CDC42BPA: variants seen among roughly 807,000 people sequenced by gnomAD.
CDC42BPA encodes serine/threonine-protein kinase MRCK alpha.
CDC42BPA carries 80 observed loss-of-function variants against 223.5 expected under a neutral mutation model. The observed-to-expected ratio is 0.36, with a 90% CI of 0.30 to 0.43. The LOEUF is 0.43. CDC42BPA is among the 20% of genes least tolerant of loss of function. CDC42BPA has a pLI of 1.00. For synonymous variants in CDC42BPA, 694 were observed against 718.6 expected, an observed-to-expected ratio of 0.97 and a Z score of 0.55; for missense variants, 1,743 against 2,099.9, an observed-to-expected ratio of 0.83 and a Z score of 3.32.
At chr1:227,139,891 T>C in intron 9 of CDC42BPA, 149 bp from the exon 10 acceptor site, 1 of 412,032 alleles carries the variant, frequency 2.4e-6, no homozygotes, top group Non-Finnish European at 4.2e-6. Context: ...GATCTGAATA[T>C]CTTGCAGTTA....
intron 1 of CDC42BPA, among the ~76,000 whole-genome samples, chr1:227,296,437 G>A (rs565042140): frequency 2.0e-4 from 31 of 152,136 alleles, no homozygotes; most frequent in Non-Finnish European, 3.5e-4. Context: ...CGGGCATAGT[G>A]GCTCACACTT....
chr1:227,131,692 G>T (rs1657140318), intron 10 of CDC42BPA, among the ~76,000 whole-genome samples: 1 of 152,194 alleles, frequency 6.6e-6, no homozygotes, highest in South Asian at 2.1e-4. Context: ...ACATCTGAAA[G>T]TTGAGGCTTA....
chr1:227,221,834 C>G (rs1376236230), intron 2 of CDC42BPA, among the ~76,000 whole-genome samples: 1 of 151,780 alleles, frequency 6.6e-6, no homozygotes, highest in East Asian at 1.9e-4. Flanking sequence ...GTCACAGAAA[C>G]TAGAACTCCC....
chr1:227,035,130 T>G (rs916096379), intron 25 of CDC42BPA, among the ~76,000 whole-genome samples: 1 of 152,174 alleles, frequency 6.6e-6, no homozygotes, highest in Non-Finnish European at 1.5e-5. Flanking sequence ...TCAGCTTACA[T>G]TGTAAATACT....
intron 21 of CDC42BPA, among the ~76,000 whole-genome samples, chr1:227,055,212 T>C (rs1674311216): frequency 6.6e-6 from 1 of 152,078 alleles, no homozygotes; most frequent in Non-Finnish European, 1.5e-5. Context: ...ATGAAACTAA[T>C]GCTAATAACA....
intron 21 of CDC42BPA, among the ~76,000 whole-genome samples, chr1:227,060,024 T>TTTG (rs1675483348): frequency 1.2e-5 from 1 of 81,734 alleles, no homozygotes; most frequent in African/African-American, 4.2e-5. Context: ...CAAAAAGTTT[T>TTTG]TTTTTGTTTT....
intron 34 of CDC42BPA, among the ~76,000 whole-genome samples, chr1:227,006,408 GCTGA>G (rs1553293737): frequency 6.6e-6 from 1 of 152,170 alleles, no homozygotes. Flanking sequence ...GTGCTGCACA[GCTGA>G]CTGACAGCAG....
At chr1:227,107,524 T>A (rs575442251) in intron 14 of CDC42BPA, among the ~76,000 whole-genome samples, 133 of 152,280 alleles carry the variant, frequency 8.7e-4, no homozygotes, top group Non-Finnish European at 1.6e-3. Flanking sequence ...AAGTCTCAGG[T>A]GATCCTCCTG....
At chr1:227,269,520 A>G (rs1685619984) in intron 1 of CDC42BPA, among the ~76,000 whole-genome samples, 1 of 152,208 alleles carries the variant, frequency 6.6e-6, no homozygotes, top group Admixed American at 6.5e-5. Context: ...AAGAAGATTT[A>G]TCTATATGAA....
At chr1:227,031,044 A>G (rs1397317468) in intron 28 of CDC42BPA, among the ~76,000 whole-genome samples, 2 of 152,156 alleles carry the variant, frequency 1.3e-5, no homozygotes, top group Non-Finnish European at 2.9e-5. Flanking sequence ...CAGAAAATAG[A>G]TTAGTAGGCT....
chr1:227,317,071 G>T lies in CDC42BPA; in HGVS notation c.112C>A (p.Leu38Ile). 6.2e-7 allele frequency: 1 copy of T among 1,613,382 alleles called. No homozygotes were observed. Among genetic ancestry groups the T allele is most frequent in the Non-Finnish European group, 8.5e-7 (1 of 1,179,352 alleles). The change falls in exon 1 of 37, where the codon CTT (leucine) becomes ATT (isoleucine). Residue 38 changes from leucine (L) to isoleucine (I), a missense_variant. Physicochemically the swap from Leu to Ile is conservative, Grantham distance 5. This residue lies in a region of CDC42BPA where 321 missense variants were observed against 488.7 expected (regional missense o/e 0.66). Coordinates refer to ENST00000366766, the MANE Select transcript of CDC42BPA (RefSeq NM_001394014.1). ...GGAGAATTATTGCATTCATCATAAA[G>T]GCAGATGAGTATATCCAGTAATGTC... ...VETLLDILIC[L>I]YDECNNSPLR...
chr1:227,038,586 T>A (rs530938731), intron 24 of CDC42BPA, among the ~76,000 whole-genome samples: 3 of 152,164 alleles, frequency 2.0e-5, no homozygotes, highest in South Asian at 2.1e-4. Flanking sequence ...GACATCTCAA[T>A]TGGTTCAGCT....
At chr1:227,212,993 T>C (rs1013397426) in intron 3 of CDC42BPA, 143 bp downstream of exon 3, 29 of 500,530 alleles carry the variant, frequency 5.8e-5, no homozygotes, top group Non-Finnish European at 1.0e-4. Context: ...ATCACAATTG[T>C]GTTGAATTTG....
chr1:227,264,690 G>A, intron 1 of CDC42BPA: 1 of 641,886 alleles, frequency 1.6e-6, no homozygotes, highest in East Asian at 2.6e-5. Flanking sequence ...TTCAAGGTAA[G>A]AGGCTTTAAC....
intron 16 of CDC42BPA, among the ~76,000 whole-genome samples, chr1:227,087,980 G>C (rs565374694): frequency 4.6e-5 from 7 of 152,086 alleles, no homozygotes; most frequent in Non-Finnish European, 8.8e-5. Context: ...ATTTGCAAGA[G>C]AAGGAGGAAA....
chr1:227,167,551 A>G (rs1665257647), intron 5 of CDC42BPA, among the ~76,000 whole-genome samples: 1 of 152,170 alleles, frequency 6.6e-6, no homozygotes, highest in Non-Finnish European at 1.5e-5. Flanking sequence ...TTTTCCCAGA[A>G]GCATAATTTC....
intron 15 of CDC42BPA, among the ~76,000 whole-genome samples, chr1:227,099,622 C>T (rs1344531377): frequency 6.6e-6 from 1 of 152,044 alleles, no homozygotes; most frequent in Non-Finnish European, 1.5e-5. Context: ...CCTCCTCTCT[C>T]GTCTCTACTA....
At chr1:227,055,777 AT>A (rs976739146) in intron 21 of CDC42BPA, among the ~76,000 whole-genome samples, 12 of 151,484 alleles carry the variant, frequency 7.9e-5, no homozygotes, top group African/African-American at 2.2e-4. Context: ...AGTAAATGCA[AT>A]TTTTTTTTGT....
chr1:227,062,938 T>A (rs888627713), intron 21 of CDC42BPA, among the ~76,000 whole-genome samples: 4 of 151,922 alleles, frequency 2.6e-5, no homozygotes, highest in Non-Finnish European at 5.9e-5. Context: ...ATATTATCAC[T>A]ATACTAAAAA....
Sources: allele counts gnomAD v4.1 joint callset (sites outside exome capture counted in the v4.1 genomes callset), GRCh38; gene constraint gnomAD v4.1.1; regional missense constraint gnomAD v4.1.1; transcripts MANE v1.5; gene names NCBI Gene and HGNC (gene_info 2026-07-23, HGNC 2026-07-21).